Variants in YWHAG observed in about 807,000 individuals in gnomAD.
YWHAG encodes the protein 14-3-3 protein gamma.
In YWHAG, 1 loss-of-function variant was observed where a neutral mutation model predicts 23.3. The ratio of observed to expected loss-of-function variants is 0.04; its 90% confidence interval spans 0.02 to 0.20. The LOEUF (loss-of-function observed/expected upper bound fraction) is 0.20, where lower values mean the gene tolerates loss of function less well. YWHAG is among the 10% of genes least tolerant of loss of function. YWHAG has a pLI of 1.00. For synonymous variants in YWHAG, 160 were observed against 144.0 expected, an observed-to-expected ratio of 1.11 and a Z score of -0.80; for missense variants, 151 against 338.6, an observed-to-expected ratio of 0.45 and a Z score of 4.35.
chr7:76,333,823 T>C (rs549783601), intron 1 of YWHAG, among the ~76,000 whole-genome samples: 26 of 152,346 alleles, frequency 1.7e-4, no homozygotes, highest in African/African-American at 6.3e-4. Flanking sequence ...GCCACAAAGA[T>C]CAAGTTCTGG....
intron 1 of YWHAG, among the ~76,000 whole-genome samples, chr7:76,342,324 C>T (rs543519161): frequency 1.3e-5 from 2 of 152,304 alleles, no homozygotes; most frequent in African/African-American, 4.8e-5. Context: ...TAAGAGAACT[C>T]ACTCTGAAAT....
intron 1 of YWHAG, among the ~76,000 whole-genome samples, chr7:76,353,816 C>A (rs551471773): frequency 1.3e-5 from 2 of 152,078 alleles, no homozygotes; most frequent in South Asian, 4.2e-4. Context: ...CACCTGTAAT[C>A]CCAGTACTTT....
chr7:76,351,723 C>T (rs183484441), intron 1 of YWHAG, among the ~76,000 whole-genome samples: 4 of 152,352 alleles, frequency 2.6e-5, no homozygotes, highest in Admixed American at 2.6e-4. Context: ...TGTCTCCCAT[C>T]ACCCCCAGAC....
At chr7:76,345,090 T>C (rs1803756960) in intron 1 of YWHAG, among the ~76,000 whole-genome samples, 1 of 151,974 alleles carries the variant, frequency 6.6e-6, no homozygotes, top group Non-Finnish European at 1.5e-5. Flanking sequence ...GAACTAGAGG[T>C]TGAAGTCACT....
intron 1 of YWHAG, among the ~76,000 whole-genome samples, chr7:76,355,859 GAC>G (rs911139499): frequency 2.9e-4 from 44 of 152,200 alleles, no homozygotes; most frequent in African/African-American, 1.0e-3. Context: ...CTTCTCAAGA[GAC>G]TAGTAAAAGT....
chr7:76,354,295 G>T (rs932242857), intron 1 of YWHAG, among the ~76,000 whole-genome samples: 1 of 152,166 alleles, frequency 6.6e-6, no homozygotes, highest in Admixed American at 6.5e-5. Flanking sequence ...CAGATCACCT[G>T]AAGTCAGGAG....
At chr7:76,336,519 G>C (rs954271052) in intron 1 of YWHAG, among the ~76,000 whole-genome samples, 3 of 143,334 alleles carry the variant, frequency 2.1e-5, no homozygotes, top group African/African-American at 5.2e-5. Context: ...GTGATGGCAC[G>C]ATCTAGGCTC....
At chr7:76,353,388 A>G (rs1258542878) in intron 1 of YWHAG, among the ~76,000 whole-genome samples, 2 of 151,854 alleles carry the variant, frequency 1.3e-5, no homozygotes, top group Non-Finnish European at 2.9e-5. Flanking sequence ...AATTTTTTGT[A>G]TTTTTAGTAG....
At chr7:76,356,056 A>G (rs11765693) in intron 1 of YWHAG, among the ~76,000 whole-genome samples, 45,564 of 152,104 alleles carry the variant, frequency 0.3, 7,020 homozygotes, top group East Asian at 0.44. Flanking sequence ...ACAGATCCCA[A>G]TAGTGTTAGC....
chr7:76,334,918 T>C (rs966259800), intron 1 of YWHAG, among the ~76,000 whole-genome samples: 2 of 152,116 alleles, frequency 1.3e-5, no homozygotes, highest in Non-Finnish European at 2.9e-5. Context: ...CTTGTAAACA[T>C]GGTCCCCAAA....
intron 1 of YWHAG, among the ~76,000 whole-genome samples, chr7:76,351,853 T>A (rs910351109): frequency 6.6e-6 from 1 of 152,188 alleles, no homozygotes; most frequent in South Asian, 2.1e-4. Flanking sequence ...ATAAATGCAA[T>A]GTGCTTGATT....
At chr7:76,345,359 GTAT>G (rs1474237847) in intron 1 of YWHAG, among the ~76,000 whole-genome samples, 1 of 151,720 alleles carries the variant, frequency 6.6e-6, no homozygotes, top group Non-Finnish European at 1.5e-5. Flanking sequence ...CTAATTTTTT[GTAT>G]TTTTTAGTAG....
rs1029382480 is a variant in YWHAG, at chr7:76,358,980, C to A, written c.-172G>T. 2 of 517,148 alleles carry A rather than the reference C, an allele frequency of 3.9e-6. No individual in the cohort carries two copies. The highest frequency in any genetic ancestry group is 4.0e-5 in the African/African-American group (2 of 49,810). The allele number at this position is 517,148 out of a possible 1,614,324, so 32.0% of individuals were successfully genotyped here. A position where few individuals can be genotyped will look rare whatever the true frequency, so the allele number is the denominator to read the frequency against. On this transcript the variant is annotated 5_prime_UTR_variant, in exon 1 of 2. Coordinates refer to ENST00000307630, the MANE Select transcript of YWHAG (RefSeq NM_012479.4). ...GGAGCTGCGACCGCGGGACCGGGCGCGAGGCGGCTGCGGCTGCTGTGCGTG... is the reference window on the plus strand; with the variant it reads ...GGAGCTGCGACCGCGGGACCGGGCGAGAGGCGGCTGCGGCTGCTGTGCGTG...
At chr7:76,346,527 A>G (rs1485579618) in intron 1 of YWHAG, among the ~76,000 whole-genome samples, 1 of 152,232 alleles carries the variant, frequency 6.6e-6, no homozygotes, top group Non-Finnish European at 1.5e-5. Flanking sequence ...CCTGTAGCCA[A>G]GTTAATTTGC....
rs1338660518 is a variant in YWHAG, at chr7:76,329,367, T to A, written c.*210A>T. On this transcript the variant is annotated 3_prime_UTR_variant, in exon 2 of 2. Coordinates refer to ENST00000307630, the MANE Select transcript of YWHAG (RefSeq NM_012479.4). The surrounding 1 kb of genome is among the most constrained non-coding windows in gnomAD (Gnocchi z 6.1). ...AGTCCAGACGCCAGTGTGAGGCTGC[T>A]ATTCCAATACCAGCACAGCTAGCCT... The A allele has an allele frequency of 1.6e-6, 1 of 610,286 alleles. No individual in the cohort carries two copies. The highest frequency in any genetic ancestry group is 2.8e-5 in the East Asian group (1 of 35,250). The allele number at this position is 610,286 out of a possible 1,614,324, so 37.8% of individuals were successfully genotyped here.
intron 1 of YWHAG, among the ~76,000 whole-genome samples, chr7:76,356,580 G>C (rs935515344): frequency 6.6e-6 from 1 of 152,082 alleles, no homozygotes; most frequent in Non-Finnish European, 1.5e-5. Context: ...ATAAACACAA[G>C]TATACATCCC....
intron 1 of YWHAG, among the ~76,000 whole-genome samples, chr7:76,355,828 G>A (rs906778684): frequency 1.3e-5 from 2 of 152,166 alleles, no homozygotes; most frequent in East Asian, 1.9e-4. Flanking sequence ...GCAAGTACCA[G>A]TAGCCTATTT....
intron 1 of YWHAG, among the ~76,000 whole-genome samples, chr7:76,346,553 T>C (rs10271478): frequency 3.3e-4 from 51 of 152,306 alleles, no homozygotes; most frequent in African/African-American, 1.1e-3. Context: ...CTTAAGTGTT[T>C]CCTCAAATTC....
chr7:76,349,323 A>G (rs1184444038), intron 1 of YWHAG, among the ~76,000 whole-genome samples: 2 of 146,540 alleles, frequency 1.4e-5, no homozygotes, highest in Admixed American at 1.4e-4. Flanking sequence ...TGGGCGACAG[A>G]GCAGACTCTG....
Sources: allele counts gnomAD v4.1 joint callset (sites outside exome capture counted in the v4.1 genomes callset), GRCh38; gene constraint gnomAD v4.1.1; non-coding constraint Gnocchi (gnomAD v3.1); transcripts MANE v1.5; gene names NCBI Gene and HGNC (gene_info 2026-07-23, HGNC 2026-07-21).